The following RS1 variants were observed in gnomAD, a reference collection of about 807,000 sequenced individuals.
RS1 encodes the protein retinoschisin.
In RS1, 2 loss-of-function variants were observed where a neutral mutation model predicts 20.8. The ratio of observed to expected loss-of-function variants is 0.10; its 90% CI spans 0.04 to 0.30. RS1 has a LOEUF of 0.30. RS1 is among the 10% of genes least tolerant of loss of function. The pLI is 1.00. For synonymous variants in RS1, 70 were observed against 75.8 expected, an observed-to-expected ratio of 0.92 and a Z score of 0.40; for missense variants, 151 against 189.8, an observed-to-expected ratio of 0.80 and a Z score of 1.20.
intron 3 of RS1, among the ~76,000 whole-genome samples, chrX:18,656,023 C>T (rs1408873158): frequency 1.1e-5 from 1 of 87,023 alleles, no homozygotes; most frequent in Non-Finnish European, 2.2e-5. Context: ...GACAGCCTCT[C>T]GCTCTGTCAC....
intron 3 of RS1, among the ~76,000 whole-genome samples, chrX:18,654,130 A>C (rs964689908): frequency 4.6e-5 from 5 of 108,015 alleles, no homozygotes; most frequent in Non-Finnish European, 9.6e-5. Context: ...TCCCTCAAAC[A>C]CATGACTCTT....
intron 3 of RS1, chrX:18,653,385 G>A (rs375094737): frequency 3.0e-5 from 36 of 1,197,964 alleles, no homozygotes; most frequent in Non-Finnish European, 4.0e-5. Context: ...ACCTGCTAGC[G>A]CTCCTGGCAG....
At chrX:18,644,257 G>A (rs961870063) in intron 5 of RS1, among the ~76,000 whole-genome samples, 173 bp downstream of exon 5, 1 of 111,744 alleles carries the variant, frequency 8.9e-6, no homozygotes, top group African/African-American at 3.3e-5. Context: ...ACTGTGCTGG[G>A]CACCAAAGCA....
At chrX:18,645,685 A>G (rs1167962351) in intron 4 of RS1, among the ~76,000 whole-genome samples, 2 of 111,244 alleles carry the variant, frequency 1.8e-5, no homozygotes, top group Admixed American at 9.6e-5. Context: ...CTCTGGCCCC[A>G]CAGGAACCAG....
At chrX:18,653,924 C>T (rs1009341159) in intron 3 of RS1, among the ~76,000 whole-genome samples, 2 of 108,909 alleles carry the variant, frequency 1.8e-5, no homozygotes, top group African/African-American at 6.7e-5. Context: ...GCCGAGATCA[C>T]GCTACTGTAC....
chrX:18,653,211 T>C (rs1000072804), intron 3 of RS1, among the ~76,000 whole-genome samples: 2 of 112,421 alleles, frequency 1.8e-5, no homozygotes, highest in African/African-American at 3.2e-5. Flanking sequence ...CTTTTGATAA[T>C]TTCCCTACCC....
intron 3 of RS1, among the ~76,000 whole-genome samples, chrX:18,653,078 A>G (rs1233652068): frequency 8.9e-6 from 1 of 112,623 alleles, no homozygotes; most frequent in African/African-American, 3.2e-5. Context: ...ACAATATAGT[A>G]GAGTACAGAA....
chrX:18,646,404 C>T (rs901643872), intron 4 of RS1, among the ~76,000 whole-genome samples: 2 of 112,412 alleles, frequency 1.8e-5, no homozygotes, highest in African/African-American at 6.5e-5. Flanking sequence ...TCTGCCCCCC[C>T]TCGGCCTCCC....
intron 1 of RS1, among the ~76,000 whole-genome samples, chrX:18,667,917 G>A (rs941323101): frequency 3.6e-5 from 4 of 112,035 alleles, no homozygotes; most frequent in African/African-American, 1.3e-4. Context: ...AGAAAAAGCT[G>A]TCACCAAAGG....
At chrX:18,665,285 A>T (rs1307637899) in intron 1 of RS1, among the ~76,000 whole-genome samples, 2 of 111,624 alleles carry the variant, frequency 1.8e-5, no homozygotes, top group Non-Finnish European at 3.8e-5. Context: ...CCTGCGCAAA[A>T]CGCTTTGGCG....
rs202119131 is a variant in RS1, at chrX:18,657,748, AT to A, written c.53-84del. Reference sequence around the variant, plus strand: ...ATCACTCGTTACATGGAAAAGTGAAATAGAAATAGTCACATGAAAGCTACCA... The same window carrying A: ...ATCACTCGTTACATGGAAAAGTGAAAAGAAATAGTCACATGAAAGCTACCA... On this transcript the variant is annotated intron_variant, in intron 1 of 5. Transcript: ENST00000379984. The A allele has an allele frequency of 2.9e-3, 2,342 of 804,253 alleles. 35 individuals are homozygous for A. The African/African-American group carries it at 0.041, about 14-fold the overall frequency. The allele number at this position is 804,253 out of a possible 1,213,427, so 66.3% of individuals were successfully genotyped here.
intron 3 of RS1, among the ~76,000 whole-genome samples, chrX:18,651,262 T>TGAGA (rs1338222386): frequency 4.2e-4 from 33 of 77,729 alleles, no homozygotes; most frequent in African/African-American, 1.6e-3. Flanking sequence ...TGTGTGTGTG[T>TGAGA]GTGAGAGAGA....
intron 3 of RS1, among the ~76,000 whole-genome samples, chrX:18,655,842 CA>C (rs1928202175): frequency 9.1e-6 from 1 of 110,416 alleles, no homozygotes; most frequent in Non-Finnish European, 1.9e-5. Context: ...CTCCATTGGA[CA>C]GACAAGGAAA....
chrX:18,648,220 T>C (rs978368275), intron 3 of RS1, among the ~76,000 whole-genome samples: 5 of 109,604 alleles, frequency 4.6e-5, no homozygotes, highest in Non-Finnish European at 7.6e-5. Flanking sequence ...TTCAACCCAG[T>C]ATTCATTCAT....
chrX:18,658,399 C>T (rs999377390), intron 1 of RS1, among the ~76,000 whole-genome samples: 3 of 110,999 alleles, frequency 2.7e-5, no homozygotes, highest in African/African-American at 6.6e-5. Flanking sequence ...AGTGTTGTAT[C>T]CTGCTTTCCC....
chrX:18,645,892 C>T, intron 4 of RS1: 1 of 1,153,754 alleles, frequency 8.7e-7, no homozygotes, highest in East Asian at 3.1e-5. Context: ...ATGGGGCCCC[C>T]TAACCAAACT....
chrX:18,650,443 C>T, intron 3 of RS1: 6 of 1,211,903 alleles, frequency 5.0e-6, no homozygotes, highest in Non-Finnish European at 6.7e-6. Context: ...CCAAAGAAGC[C>T]TCACACTCCG....
intron 3 of RS1, chrX:18,650,736 G>A (rs1009561916): frequency 1.4e-6 from 1 of 702,295 alleles, no homozygotes; most frequent in South Asian, 2.4e-5. Context: ...AGCTGCAGGT[G>A]ATTGTAATGG....
In RS1 at chrX:18,672,011, A is replaced by T. The variant is rs766045580; in HGVS notation, c.52+6T>A. On this transcript the variant is annotated splice_donor_region_variant and intron_variant, in intron 1 of 5. Coordinates refer to ENST00000379984, the MANE Select transcript of RS1 (RefSeq NM_000330.4). ...CAATGAATGTCAATGGTTGAATAGC[A>T]CATACCTTCATAGCCAAAGAGAAGT... The T allele has an allele frequency of 2.5e-6, 3 of 1,203,485 alleles. No homozygotes were observed. In the Admixed American group the frequency reaches 6.5e-5, roughly 26 times the overall value.
Sources: allele counts gnomAD v4.1 joint callset (sites outside exome capture counted in the v4.1 genomes callset), GRCh38; gene constraint gnomAD v4.1.1; transcripts MANE v1.5; gene names NCBI Gene and HGNC (gene_info 2026-07-23, HGNC 2026-07-21).